CADPS: variants seen among roughly 807,000 people sequenced by gnomAD.
CADPS encodes the protein calcium-dependent secretion activator 1.
CADPS carries 57 observed loss-of-function variants against 167.3 expected under a neutral mutation model. The ratio of observed to expected loss-of-function variants is 0.34; its 90% confidence interval spans 0.28 to 0.42. CADPS has a LOEUF of 0.42. Among genes scored for constraint, CADPS ranks in the 20% least tolerant of loss-of-function variants. The pLI, the probability that CADPS is intolerant of heterozygous loss-of-function variation, is 1.00. For missense variants in CADPS, 1,414 were observed against 1,738.1 expected, an observed-to-expected ratio of 0.81 and a Z score of 3.32; for synonymous variants, 676 against 635.3, an observed-to-expected ratio of 1.06 and a Z score of -0.96.
At chr3:62,782,013 C>T (rs1188870375) in intron 1 of CADPS, among the ~76,000 whole-genome samples, 2 of 152,156 alleles carry the variant, frequency 1.3e-5, no homozygotes, top group Non-Finnish European at 2.9e-5. Flanking sequence ...TTCCTAATGT[C>T]TCCCTTTACC....
intron 1 of CADPS, among the ~76,000 whole-genome samples, chr3:62,817,268 A>G (rs1051575397): frequency 6.6e-6 from 1 of 152,180 alleles, no homozygotes; most frequent in African/African-American, 2.4e-5. Context: ...AAGGTCAGAT[A>G]CACAGTATTG....
chr3:62,589,792 A>C (rs2085507633), intron 7 of CADPS, among the ~76,000 whole-genome samples: 1 of 152,218 alleles, frequency 6.6e-6, no homozygotes, highest in Non-Finnish European at 1.5e-5. Flanking sequence ...TCAATATGTC[A>C]GTGGCCTTAA....
intron 3 of CADPS, among the ~76,000 whole-genome samples, chr3:62,699,321 G>C (rs67694459): frequency 6.6e-6 from 1 of 151,784 alleles, no homozygotes; most frequent in African/African-American, 2.4e-5. Context: ...ACCGGCGTGA[G>C]CCACTGTGCC....
intron 2 of CADPS, among the ~76,000 whole-genome samples, chr3:62,757,978 AC>A (rs1219790977): frequency 6.6e-6 from 1 of 152,216 alleles, no homozygotes; most frequent in Non-Finnish European, 1.5e-5. Context: ...ATTACCTCTC[AC>A]TGGGTACCCC....
intron 10 of CADPS, among the ~76,000 whole-genome samples, chr3:62,555,342 T>G (rs2077962280): frequency 6.6e-6 from 1 of 152,214 alleles, no homozygotes; most frequent in East Asian, 1.9e-4. Flanking sequence ...GTAGATAGAA[T>G]AGCTCTCTCC....
chr3:62,632,986 T>C (rs375935765), intron 6 of CADPS, among the ~76,000 whole-genome samples: 19 of 152,228 alleles, frequency 1.2e-4, no homozygotes, highest in East Asian at 9.7e-4. Flanking sequence ...CAGGTGACTT[T>C]AACTCACTCA....
At chr3:62,457,166 A>C (rs2058789607) in intron 26 of CADPS, among the ~76,000 whole-genome samples, 1 of 152,188 alleles carries the variant, frequency 6.6e-6, no homozygotes, top group African/African-American at 2.4e-5. Flanking sequence ...CAATAATAAC[A>C]ATGTCTAACA....
At chr3:62,746,881 C>A (rs530591942) in intron 3 of CADPS, among the ~76,000 whole-genome samples, 1 of 152,272 alleles carries the variant, frequency 6.6e-6, no homozygotes, top group East Asian at 1.9e-4. Context: ...CATGCCTGGA[C>A]TTCTGACCTA....
intron 8 of CADPS, among the ~76,000 whole-genome samples, chr3:62,574,377 C>T (rs976875315): frequency 3.9e-5 from 6 of 152,146 alleles, no homozygotes; most frequent in Admixed American, 6.5e-5. Flanking sequence ...TAGGAGGAAG[C>T]GGGGCAAGAG....
chr3:62,850,937 G>A lies in CADPS; in HGVS notation c.441+23652C>T, dbSNP rs12629195. Among the ~76,000 whole-genome samples the A allele has an allele frequency of 5.9e-5, 9 of 151,514 alleles. No individual in the cohort carries two copies. In the East Asian group the frequency reaches 1.8e-3, roughly 30 times the overall value. On this transcript the variant is annotated intron_variant, in intron 1 of 29. Coordinates refer to ENST00000383710, the MANE Select transcript of CADPS (RefSeq NM_003716.4). ...TCTCTTTGGAGGTCACTCAGGACTT[G>A]CTTTATGAATCTGGGTGCTCCTGTA...
At chr3:62,670,371 C>CA (rs1164717809) in intron 3 of CADPS, among the ~76,000 whole-genome samples, 8 of 152,142 alleles carry the variant, frequency 5.3e-5, no homozygotes, top group South Asian at 4.2e-4. Context: ...TCTGTTGTTA[C>CA]AAAAAATCAT....
At chr3:62,837,681 C>T (rs2076088318) in intron 1 of CADPS, among the ~76,000 whole-genome samples, 1 of 152,178 alleles carries the variant, frequency 6.6e-6, no homozygotes. Context: ...TAGATATCAA[C>T]ATTAGAAGGT....
intron 11 of CADPS, among the ~76,000 whole-genome samples, chr3:62,543,413 T>C (rs922795186): frequency 1.6e-4 from 25 of 152,150 alleles, no homozygotes; most frequent in African/African-American, 5.8e-4. Context: ...TAGAACAGAA[T>C]TCATTCAGTT....
At chr3:62,799,887 T>C (rs2093662992) in intron 1 of CADPS, among the ~76,000 whole-genome samples, 1 of 152,200 alleles carries the variant, frequency 6.6e-6, no homozygotes, top group South Asian at 2.1e-4. Flanking sequence ...CTTTCAAGGA[T>C]ATTTACATGT....
intron 3 of CADPS, among the ~76,000 whole-genome samples, chr3:62,696,258 C>G (rs2080256453): frequency 6.6e-6 from 1 of 152,104 alleles, no homozygotes; most frequent in Non-Finnish European, 1.5e-5. Flanking sequence ...ATGGGGAAAG[C>G]TGCAGGGTGG....
At chr3:62,781,032 T>G (rs540807760) in intron 1 of CADPS, among the ~76,000 whole-genome samples, 1 of 152,314 alleles carries the variant, frequency 6.6e-6, no homozygotes, top group Admixed American at 6.5e-5. Context: ...CTGATACTAT[T>G]AGGGTACAAT....
At chr3:62,526,292 CT>C (rs2072204255) in intron 13 of CADPS, among the ~76,000 whole-genome samples, 3 of 152,170 alleles carry the variant, frequency 2.0e-5, no homozygotes, top group Admixed American at 2.0e-4. Context: ...CCTCTTACAT[CT>C]GCTTTACTCA....
intron 13 of CADPS, chr3:62,530,818 G>C (rs1385325188): frequency 7.9e-7 from 1 of 1,265,534 alleles, no homozygotes; most frequent in Non-Finnish European, 1.0e-6. Flanking sequence ...GTTGACTTTG[G>C]AGAGGGGGTG....
chr3:62,661,440 C>T (rs12491112), intron 4 of CADPS, among the ~76,000 whole-genome samples: 38,980 of 151,858 alleles, frequency 0.26, 6,437 homozygotes, highest in East Asian at 0.69. Context: ...GACACCAAGC[C>T]TGGAAAGGGC....
Sources: gnomAD v4.1 joint callset for allele counts (sites outside exome capture counted in the v4.1 genomes callset) on GRCh38, gnomAD v4.1.1 for gene constraint, MANE v1.5 for transcripts, NCBI Gene and HGNC (gene_info 2026-07-23, HGNC 2026-07-21) for gene names.